Variants in GRM7 observed in about 807,000 individuals in gnomAD.
The protein encoded by GRM7 is metabotropic glutamate receptor 7.
A neutral mutation model predicts 84.5 loss-of-function variants in GRM7; 35 were observed. The observed-to-expected ratio is 0.41, with a 90% CI of 0.32 to 0.55. The LOEUF is 0.55. GRM7 is among the 20% of genes least tolerant of loss of function. The probability of loss-of-function intolerance (pLI) is 0.19; values close to 1 mark genes in which losing one functional copy is unlikely to be tolerated. For synonymous variants in GRM7, 487 were observed against 455.1 expected (o/e 1.07, Z -0.89); for missense variants, 1,003 against 1,194.6 (o/e 0.84, Z 2.36).
chr3:7,057,338 C>G (rs1049033234), intron 1 of GRM7, among the ~76,000 whole-genome samples: 37 of 151,910 alleles, frequency 2.4e-4, no homozygotes, highest in African/African-American at 8.7e-4. Flanking sequence ...ATAGATCATC[C>G]TTTTTTCAAC....
At chr3:7,097,879 A>G (rs993634785) in intron 1 of GRM7, among the ~76,000 whole-genome samples, 1 of 152,134 alleles carries the variant, frequency 6.6e-6, no homozygotes, top group Non-Finnish European at 1.5e-5. Context: ...TACATTTGCC[A>G]TACCTTTGAC....
intron 1 of GRM7, among the ~76,000 whole-genome samples, chr3:6,984,530 G>T (rs1694327804): frequency 6.6e-6 from 1 of 151,960 alleles, no homozygotes; most frequent in Non-Finnish European, 1.5e-5. Flanking sequence ...CACAGCAAAA[G>T]GTGATATACA....
At chr3:7,502,036 A>G (rs1300821167) in intron 7 of GRM7, among the ~76,000 whole-genome samples, 1 of 152,198 alleles carries the variant, frequency 6.6e-6, no homozygotes, top group African/African-American at 2.4e-5. Flanking sequence ...CTCAATCAAA[A>G]CTGGACTGAA....
chr3:6,954,967 G>A (rs1201965827), intron 1 of GRM7, among the ~76,000 whole-genome samples: 1 of 152,188 alleles, frequency 6.6e-6, no homozygotes, highest in African/African-American at 2.4e-5. Flanking sequence ...ATAAAGTGGG[G>A]TTAATAATAT....
Position 7,315,072 on chromosome 3 carries a change from C to T in GRM7, c.1033+8420C>T, listed in dbSNP as rs970057733. ...AGCCAGTGTCTTGTCAGAGATTTCT[C>T]TAAATGTCAGGACTATTAGAAAGAA... On this transcript the variant is annotated intron_variant, in intron 4 of 9. Transcript: ENST00000357716. Among the ~76,000 whole-genome samples the T allele has an allele frequency of 2.0e-5, 3 of 151,634 alleles. No individual in the cohort carries two copies. The East Asian group carries it at 5.8e-4, about 29-fold the overall frequency.
chr3:7,121,818 A>C (rs1693232887), intron 1 of GRM7, among the ~76,000 whole-genome samples: 1 of 152,200 alleles, frequency 6.6e-6, no homozygotes, highest in Non-Finnish European at 1.5e-5. Flanking sequence ...TTGGAAACTT[A>C]ATCCCCAACG....
At chr3:7,396,151 A>G (rs891778030) in intron 4 of GRM7, among the ~76,000 whole-genome samples, 9 of 152,128 alleles carry the variant, frequency 5.9e-5, no homozygotes, top group Admixed American at 1.3e-4. Flanking sequence ...AAAATCATCA[A>G]TGAGACCCAA....
At chr3:7,155,275 T>C (rs1029774065) in intron 2 of GRM7, among the ~76,000 whole-genome samples, 1 of 152,086 alleles carries the variant, frequency 6.6e-6, no homozygotes, top group Non-Finnish European at 1.5e-5. Context: ...ATAGGGAAGA[T>C]ATATTTCCCA....
At chr3:7,039,657 G>A (rs1433500589) in intron 1 of GRM7, among the ~76,000 whole-genome samples, 1 of 151,996 alleles carries the variant, frequency 6.6e-6, no homozygotes, top group East Asian at 1.9e-4. Context: ...TCAATACAAA[G>A]CTAAAATGCA....
chr3:6,993,105 C>T lies in GRM7; in HGVS notation c.519+131198C>T, dbSNP rs528036332. ...AAGCGAAAGCAAACATGTCTTTCTTCAGATGGCAGCAGGAAAGAAAACAAG... is the reference window on the plus strand; with the variant it reads ...AAGCGAAAGCAAACATGTCTTTCTTTAGATGGCAGCAGGAAAGAAAACAAG... On this transcript the variant is annotated intron_variant, in intron 1 of 9. Transcript: ENST00000357716. Among the ~76,000 whole-genome samples, 81 of 152,290 alleles carry T rather than the reference C, an allele frequency of 5.3e-4. 1 individual carries two copies. The highest frequency in any genetic ancestry group is 1.9e-3 in the African/African-American group (79 of 41,540).
chr3:6,929,600 AT>A (rs1258661537), intron 1 of GRM7, among the ~76,000 whole-genome samples: 3 of 152,174 alleles, frequency 2.0e-5, no homozygotes, highest in African/African-American at 7.2e-5. Context: ...TTACCAGTGC[AT>A]ATTGTCTACA....
rs546944500 is a variant in GRM7, at chr3:7,486,696, C to T, written c.1515+24974C>T. ...CCATGCTTCTTGGACTTCCCAGCCA[C>T]CAGAATGATGAGACAAATAAGGCTG... On this transcript the variant is annotated intron_variant, in intron 7 of 9. Transcript: ENST00000357716. The surrounding 1 kb of genome is among the most constrained non-coding windows in gnomAD (Gnocchi z 5.5). 2.6e-5 allele frequency among the ~76,000 whole-genome samples: 4 copies of T among 152,196 alleles called. No homozygotes were observed. In the South Asian group the frequency reaches 6.2e-4, roughly 24 times the overall value.
At chr3:7,691,002 C>T (rs1336186147) in intron 9 of GRM7, 12 of 362,848 alleles carry the variant, frequency 3.3e-5, no homozygotes, top group Non-Finnish European at 4.8e-5. Flanking sequence ...CCTTGTGACT[C>T]GTTTCCATCT....
intron 5 of GRM7, among the ~76,000 whole-genome samples, chr3:7,416,066 G>A (rs939898971): frequency 1.3e-5 from 2 of 152,044 alleles, no homozygotes; most frequent in Admixed American, 6.6e-5. Flanking sequence ...GATTAAACAC[G>A]GTAAATGGCT....
chr3:7,390,468 G>A (rs1694947714), intron 4 of GRM7, among the ~76,000 whole-genome samples: 2 of 151,950 alleles, frequency 1.3e-5, no homozygotes, highest in Non-Finnish European at 2.9e-5. Flanking sequence ...TCTCATTCAG[G>A]AATGCCAATA....
At chr3:7,183,785 C>T (rs779834900) in intron 2 of GRM7, among the ~76,000 whole-genome samples, 1 of 151,958 alleles carries the variant, frequency 6.6e-6, no homozygotes, top group Non-Finnish European at 1.5e-5. Context: ...ACAAAGCAGA[C>T]GATCATAAAT....
At chr3:7,540,891 G>C (rs1174299474) in intron 7 of GRM7, among the ~76,000 whole-genome samples, 1 of 152,086 alleles carries the variant, frequency 6.6e-6, no homozygotes, top group Admixed American at 6.5e-5. Flanking sequence ...AAGAATGATA[G>C]GTATAGGCAA....
At chr3:7,149,050 T>A (rs1283405717) in intron 2 of GRM7, among the ~76,000 whole-genome samples, 1 of 152,178 alleles carries the variant, frequency 6.6e-6, no homozygotes, top group Non-Finnish European at 1.5e-5. Context: ...AAGTATTTAA[T>A]AAGTATCCTT....
chr3:7,308,641 G>T (rs1700280861), intron 4 of GRM7, among the ~76,000 whole-genome samples: 1 of 152,174 alleles, frequency 6.6e-6, no homozygotes, highest in African/African-American at 2.4e-5. Flanking sequence ...ATCCGCATGT[G>T]TGAGATGTGA....
Sources: gnomAD v4.1 joint callset for allele counts (sites outside exome capture counted in the v4.1 genomes callset) on GRCh38, gnomAD v4.1.1 for gene constraint, Gnocchi (gnomAD v3.1) non-coding constraint, MANE v1.5 for transcripts, NCBI Gene and HGNC (gene_info 2026-07-23, HGNC 2026-07-21) for gene names.